IGSF21: variants seen among roughly 807,000 people sequenced by gnomAD.
The protein encoded by IGSF21 is immunoglobulin superfamily member 21.
In IGSF21, 28 loss-of-function variants were observed where a neutral mutation model predicts 46.8. The observed-to-expected ratio is 0.60, with a 90% CI of 0.44 to 0.82. The LOEUF (loss-of-function observed/expected upper bound fraction) is 0.82. Ranked by LOEUF, IGSF21 falls within the 40% of genes least tolerant of loss-of-function variation. The probability of loss-of-function intolerance (pLI) is 0.00; values close to 1 mark genes in which losing one functional copy is unlikely to be tolerated. For missense variants in IGSF21, 624 were observed against 665.5 expected, an observed-to-expected ratio of 0.94 and a Z score of 0.69; for synonymous variants, 284 against 273.6, an observed-to-expected ratio of 1.04 and a Z score of -0.38.
At chr1:18,363,674 C>A (rs1397689283) in intron 5 of IGSF21, among the ~76,000 whole-genome samples, 2 of 150,440 alleles carry the variant, frequency 1.3e-5, no homozygotes, top group Non-Finnish European at 3.0e-5. Flanking sequence ...GGCAGGGGCA[C>A]AGAAGCACAG....
At chr1:18,148,463 G>A (rs1234661474) in intron 1 of IGSF21, among the ~76,000 whole-genome samples, 9 of 152,222 alleles carry the variant, frequency 5.9e-5, no homozygotes, top group East Asian at 1.9e-4. Flanking sequence ...GCATGAAAAC[G>A]GACTAATACA....
intron 2 of IGSF21, among the ~76,000 whole-genome samples, chr1:18,265,877 C>T (rs377365317): frequency 3.9e-5 from 6 of 152,214 alleles, no homozygotes; most frequent in East Asian, 1.9e-4. Flanking sequence ...TCTGTCCCAG[C>T]GCCTGGGCCT....
At chr1:18,173,672 G>C (rs1321269236) in intron 1 of IGSF21, among the ~76,000 whole-genome samples, 1 of 152,232 alleles carries the variant, frequency 6.6e-6, no homozygotes, top group Non-Finnish European at 1.5e-5. Flanking sequence ...TTTTATTGCT[G>C]TGTAGTATTC....
intron 5 of IGSF21, among the ~76,000 whole-genome samples, chr1:18,364,407 A>G (rs867697508): frequency 1.6e-5 from 1 of 61,316 alleles, no homozygotes; most frequent in Non-Finnish European, 3.2e-5. Context: ...CACCTCCTTC[A>G]CCCCCCTGCA....
rs35745482 is a variant in IGSF21, at chr1:18,209,621, ATT to A, written c.71-18258_71-18257del. 3.8e-3 allele frequency among the ~76,000 whole-genome samples: 515 copies of A among 133,774 alleles called. 1 individual carries two copies. The highest frequency in any genetic ancestry group is 5.5e-3 in the Non-Finnish European group (343 of 62,848). 87.8% of individuals were successfully genotyped at this position (133,774 alleles called of 152,430 possible). On this transcript the variant is annotated intron_variant, in intron 1 of 9. Coordinates refer to ENST00000251296, the MANE Select transcript of IGSF21 (RefSeq NM_032880.5). ...AGGCGCCCGCCACCACACCTGGCTAATTTTTTTTTTTTTTTTTTTTAGTAGAG... is the reference window on the plus strand; with the variant it reads ...AGGCGCCCGCCACCACACCTGGCTAATTTTTTTTTTTTTTTTTTAGTAGAG...
intron 3 of IGSF21, among the ~76,000 whole-genome samples, chr1:18,315,984 T>C (rs1569795117): frequency 6.6e-6 from 1 of 152,124 alleles, no homozygotes; most frequent in African/African-American, 2.4e-5. Flanking sequence ...GAAAAGTCAT[T>C]TGGTGTTCTT....
At position 18,323,298 on chromosome 1, in the gene IGSF21, A is replaced by T. The variant is rs548641866; in HGVS notation, c.306-11594A>T. Among the ~76,000 whole-genome samples the T allele has an allele frequency of 4.6e-5, 7 of 152,282 alleles. No individual in the cohort carries two copies. In the East Asian group the frequency reaches 1.2e-3, roughly 25 times the overall value. On this transcript the variant is annotated intron_variant, in intron 3 of 9. Transcript: ENST00000251296. ...TTGTCCTGTCCCAGCTTCACCACCC[A>T]GGGCCTCAGGACAAAGGGCTTGAGG... is the stretch of plus-strand genomic sequence containing the variant.
chr1:18,338,450 C>T (rs1254710166), intron 4 of IGSF21, among the ~76,000 whole-genome samples: 5 of 152,098 alleles, frequency 3.3e-5, no homozygotes, highest in Admixed American at 3.3e-4. Flanking sequence ...CAAACTGGGG[C>T]AAGACAGACC....
intron 1 of IGSF21, among the ~76,000 whole-genome samples, chr1:18,194,584 C>G (rs1227128677): frequency 6.6e-6 from 1 of 152,228 alleles, no homozygotes; most frequent in Non-Finnish European, 1.5e-5. Flanking sequence ...CAGCCAACAT[C>G]TTCCTGTGTG....
intron 2 of IGSF21, among the ~76,000 whole-genome samples, chr1:18,241,901 G>A (rs974994879): frequency 6.6e-6 from 1 of 152,184 alleles, no homozygotes; most frequent in East Asian, 1.9e-4. Context: ...GGGTTTGTCT[G>A]AGTCCCCTTA....
chr1:18,256,516 G>A (rs2084893974), intron 2 of IGSF21, among the ~76,000 whole-genome samples: 1 of 152,262 alleles, frequency 6.6e-6, no homozygotes, highest in African/African-American at 2.4e-5. Context: ...GGTGCTGATA[G>A]TTCCCGTGTT....
chr1:18,229,446 G>T (rs986038921), intron 2 of IGSF21, among the ~76,000 whole-genome samples: 46 of 152,166 alleles, frequency 3.0e-4, no homozygotes, highest in African/African-American at 1.0e-3. Flanking sequence ...GCCTGTCTTG[G>T]CTGCTCTGCT....
chr1:18,171,815 A>T (rs762627660), intron 1 of IGSF21, among the ~76,000 whole-genome samples: 3 of 152,114 alleles, frequency 2.0e-5, no homozygotes, highest in Non-Finnish European at 4.4e-5. Context: ...GGTGGCACCA[A>T]CTCCAGAGCC....
chr1:18,263,867 A>C (rs914816539), intron 2 of IGSF21, among the ~76,000 whole-genome samples: 48 of 144,774 alleles, frequency 3.3e-4, no homozygotes, highest in African/African-American at 1.2e-3. Context: ...TAGTCAGTTA[A>C]ACAAAGCCAC....
intron 2 of IGSF21, among the ~76,000 whole-genome samples, chr1:18,239,761 C>T (rs1006599608): frequency 6.6e-6 from 1 of 152,110 alleles, no homozygotes; most frequent in African/African-American, 2.4e-5. Context: ...TGCCCCCCCT[C>T]CCCGCCACCA....
chr1:18,320,467 A>C (rs777969479), intron 3 of IGSF21, among the ~76,000 whole-genome samples: 2 of 152,226 alleles, frequency 1.3e-5, no homozygotes, highest in African/African-American at 4.8e-5. Context: ...CTGCCAAAGC[A>C]AAGCTGTTTT....
intron 5 of IGSF21, among the ~76,000 whole-genome samples, chr1:18,364,605 C>G (rs1422291331): frequency 3.3e-5 from 5 of 152,142 alleles, no homozygotes; most frequent in Non-Finnish European, 5.9e-5. Flanking sequence ...AATGCCGCCT[C>G]ACAAAACTTG....
intron 2 of IGSF21, among the ~76,000 whole-genome samples, chr1:18,237,944 C>T (rs1002167943): frequency 1.3e-5 from 2 of 152,040 alleles, no homozygotes; most frequent in African/African-American, 2.4e-5. Context: ...ATGAATGATC[C>T]TTGGGCCAGG....
chr1:18,274,887 G>A (rs1269714829), intron 2 of IGSF21, among the ~76,000 whole-genome samples: 1 of 152,196 alleles, frequency 6.6e-6, no homozygotes, highest in East Asian at 1.9e-4. Context: ...TTAGCTGGAT[G>A]TGGTGGCATG....
Sources: allele counts gnomAD v4.1 joint callset (sites outside exome capture counted in the v4.1 genomes callset), GRCh38; gene constraint gnomAD v4.1.1; transcripts MANE v1.5; gene names NCBI Gene and HGNC (gene_info 2026-07-23, HGNC 2026-07-21).